DMD: variants seen among roughly 807,000 people sequenced by gnomAD.
The protein encoded by DMD is mutant dystrophin.
A neutral mutation model predicts 330.1 loss-of-function variants in DMD; 63 were observed. The observed-to-expected ratio is 0.19, with a 90% confidence interval of 0.16 to 0.24. DMD has a LOEUF of 0.24. DMD is among the 10% of genes least tolerant of loss of function. The pLI, the probability that DMD is intolerant of heterozygous loss-of-function variation, is 1.00. For synonymous variants in DMD, 1,223 were observed against 959.8 expected (o/e 1.27, Z -5.07); for missense variants, 3,344 against 2,684.1 (o/e 1.25, Z -5.43).
intron 1 of DMD, among the ~76,000 whole-genome samples, chrX:33,092,160 T>C (rs2095093824): frequency 9.0e-6 from 1 of 111,572 alleles, no homozygotes; most frequent in African/African-American, 3.3e-5. Context: ...AAGGATTCAG[T>C]ATGAGGTGAC....
At chrX:31,884,471 G>T (rs1349923324) in intron 47 of DMD, among the ~76,000 whole-genome samples, 1 of 111,259 alleles carries the variant, frequency 9.0e-6, no homozygotes, top group Non-Finnish European at 1.9e-5. Context: ...AGAGAAAAAT[G>T]GTGGTTATTA....
intron 44 of DMD, among the ~76,000 whole-genome samples, chrX:31,982,147 A>T (rs1487963231): frequency 8.9e-6 from 1 of 111,915 alleles, no homozygotes; most frequent in Non-Finnish European, 1.9e-5. Flanking sequence ...TGAAAATTGA[A>T]TTTCACATTT....
At chrX:32,292,302 C>CTTT (rs10652780) in intron 42 of DMD, among the ~76,000 whole-genome samples, 36,325 of 62,659 alleles carry the variant, frequency 0.58, 10,579 homozygotes, top group Admixed American at 0.64. Flanking sequence ...AGGGAATATT[C>CTTT]TTTTTTTTTT....
chrX:32,563,802 T>C (rs1317711349), intron 16 of DMD, among the ~76,000 whole-genome samples: 2 of 112,125 alleles, frequency 1.8e-5, no homozygotes, highest in Non-Finnish European at 3.8e-5. Context: ...TTTTCACATT[T>C]CAGGGAGCAT....
At chrX:31,797,318 A>AAAACC (rs946703311) in intron 50 of DMD, among the ~76,000 whole-genome samples, 4 of 110,896 alleles carry the variant, frequency 3.6e-5, no homozygotes, top group African/African-American at 1.3e-4. Context: ...AGATCACTGA[A>AAAACC]AAACCAAACC....
At chrX:32,810,559 G>A (rs2077294854) in intron 6 of DMD, among the ~76,000 whole-genome samples, 1 of 111,773 alleles carries the variant, frequency 8.9e-6, no homozygotes, top group Admixed American at 9.5e-5. Context: ...CATCCTTAAT[G>A]ACTATTTTAC....
rs777274879 is a variant in DMD, at chrX:32,389,646, A to T, written c.4373T>A (p.Phe1458Tyr). Residue 1458 changes from phenylalanine (F) to tyrosine (Y), a missense_variant, in exon 32 of 79, where the codon TTT becomes TAT. By Grantham distance (22) the Phe-to-Tyr change is conservative. Coordinates refer to ENST00000357033, the MANE Select transcript of DMD (RefSeq NM_004006.3). ...QKKLQDVSMKFRLFQKPANFE... is the reference protein window; with the variant it reads ...QKKLQDVSMKYRLFQKPANFE... ...ATTGGCTGGTTTCTGGAATAATCGAAACTTCATGGAGACATCTTGTAATTT... is the reference window on the plus strand; with the variant it reads ...ATTGGCTGGTTTCTGGAATAATCGATACTTCATGGAGACATCTTGTAATTT... 51 of 1,208,984 alleles carry T rather than the reference A, an allele frequency of 4.2e-5. No homozygotes were observed. The Admixed American group carries it at 1.1e-3, about 26-fold the overall frequency.
At chrX:32,620,824 T>C (rs1201202169) in intron 11 of DMD, among the ~76,000 whole-genome samples, 1 of 112,016 alleles carries the variant, frequency 8.9e-6, no homozygotes, top group East Asian at 2.8e-4. Context: ...TATAATTAGA[T>C]TTATATACAT....
chrX:32,587,425 T>C (rs1048534198), intron 13 of DMD, among the ~76,000 whole-genome samples: 24 of 112,371 alleles, frequency 2.1e-4, no homozygotes, highest in Admixed American at 1.1e-3. Flanking sequence ...TTAAAAATTA[T>C]CACTGTTGGT....
chrX:32,396,309 C>T (rs1179282821), intron 30 of DMD, among the ~76,000 whole-genome samples: 1 of 110,852 alleles, frequency 9.0e-6, no homozygotes, highest in Admixed American at 9.7e-5. Context: ...AGGTCGCCAC[C>T]ACTAAAATTA....
upstream of DMD, among the ~76,000 whole-genome samples, chrX:33,212,226 T>A (rs1183361287): frequency 2.7e-5 from 3 of 112,605 alleles, no homozygotes; most frequent in Non-Finnish European, 3.8e-5. Flanking sequence ...AAAACTTCTT[T>A]ACTAACAAAT....
chrX:31,607,488 C>A (rs953217289), intron 55 of DMD, among the ~76,000 whole-genome samples: 1 of 111,993 alleles, frequency 8.9e-6, no homozygotes, highest in Non-Finnish European at 1.9e-5. Context: ...CTTAGGGTTA[C>A]TAAAAACTAC....
At chrX:32,599,652 C>A (rs977720944) in intron 12 of DMD, among the ~76,000 whole-genome samples, 2 of 111,419 alleles carry the variant, frequency 1.8e-5, no homozygotes, top group African/African-American at 6.5e-5. Flanking sequence ...GAAAATAATA[C>A]CTTCAAATTA....
intron 52 of DMD, among the ~76,000 whole-genome samples, chrX:31,727,923 C>T (rs1036026718): frequency 1.8e-5 from 2 of 112,559 alleles, no homozygotes; most frequent in African/African-American, 6.4e-5. Context: ...TGATTAAGGT[C>T]ATTAACAAAA....
intron 1 of DMD, among the ~76,000 whole-genome samples, chrX:33,168,527 A>T (rs1312004392): frequency 9.1e-6 from 1 of 110,328 alleles, no homozygotes; most frequent in Non-Finnish European, 1.9e-5. Context: ...GTAAATTTAA[A>T]TTAACCCTAT....
intron 1 of DMD, among the ~76,000 whole-genome samples, chrX:33,176,792 C>T (rs760849282): frequency 2.7e-5 from 3 of 110,467 alleles, no homozygotes; most frequent in South Asian, 3.9e-4. Context: ...AAAAATTAGC[C>T]GGTCATGGTG....
intron 16 of DMD, among the ~76,000 whole-genome samples, chrX:32,557,014 T>C (rs1378238997): frequency 1.8e-5 from 2 of 111,929 alleles, no homozygotes; most frequent in South Asian, 3.7e-4. Flanking sequence ...GTGTTTTGAA[T>C]TGATTATCTT....
chrX:32,867,244 TTTATC>T (rs2082588673), intron 2 of DMD, among the ~76,000 whole-genome samples: 1 of 111,929 alleles, frequency 8.9e-6, no homozygotes, highest in African/African-American at 3.2e-5. Flanking sequence ...AAAAAGTGTG[TTTATC>T]TTGTTTTCTT....
rs992731444 is a variant in DMD, at chrX:32,288,823, C to T, written c.6118-1122G>A. 2.7e-5 allele frequency among the ~76,000 whole-genome samples: 3 copies of T among 111,742 alleles called. No individual in the cohort carries two copies. In the East Asian group the frequency reaches 8.4e-4, roughly 31 times the overall value. On this transcript the variant is annotated intron_variant, in intron 42 of 78. Transcript: ENST00000357033. Reference sequence around the variant, plus strand: ...TTATGTTTTAAGAACTATGGTACACCTGTTATTAGTCTCGTCAGCTGTTTT... The same window carrying T: ...TTATGTTTTAAGAACTATGGTACACTTGTTATTAGTCTCGTCAGCTGTTTT...
Sources: gnomAD v4.1 joint callset for allele counts (sites outside exome capture counted in the v4.1 genomes callset) on GRCh38, gnomAD v4.1.1 for gene constraint, MANE v1.5 for transcripts, NCBI Gene and HGNC (gene_info 2026-07-23, HGNC 2026-07-21) for gene names.